Variants in EIF2B3 observed in about 807,000 individuals in gnomAD.
The protein encoded by EIF2B3 is translation initiation factor eIF2B subunit gamma.
In EIF2B3, 20 loss-of-function variants were observed where a neutral mutation model predicts 54.1. That is an observed-to-expected ratio of 0.37 (90% CI 0.26 to 0.54). The LOEUF is 0.54. Among genes scored for constraint, EIF2B3 ranks in the 20% least tolerant of loss-of-function variants. The pLI is 0.86. For missense variants in EIF2B3, 448 were observed against 547.8 expected (o/e 0.82, Z 1.82); for synonymous variants, 153 against 188.1 (o/e 0.81, Z 1.52).
intron 3 of EIF2B3, among the ~76,000 whole-genome samples, chr1:44,960,776 A>G (rs992300715): frequency 6.6e-6 from 1 of 152,216 alleles, no homozygotes; most frequent in Non-Finnish European, 1.5e-5. Context: ...ATGCCATTTT[A>G]TAAAAGCAAC....
At chr1:44,897,019 A>C (rs1655993819) in intron 6 of EIF2B3, among the ~76,000 whole-genome samples, 1 of 152,228 alleles carries the variant, frequency 6.6e-6, no homozygotes, top group Non-Finnish European at 1.5e-5. Context: ...GACAAACAGC[A>C]TAAGGGCTGT....
chr1:44,982,636 A>G (rs1310544070), intron 1 of EIF2B3, among the ~76,000 whole-genome samples: 1 of 151,486 alleles, frequency 6.6e-6, no homozygotes, highest in African/African-American at 2.4e-5. Flanking sequence ...GTCTTGCTCC[A>G]TTGCCCAGTC....
At chr1:44,860,996 CAG>C (rs1654595937) in intron 10 of EIF2B3, among the ~76,000 whole-genome samples, 1 of 152,224 alleles carries the variant, frequency 6.6e-6, no homozygotes, top group African/African-American at 2.4e-5. Flanking sequence ...TAAGGCATTT[CAG>C]AGTCTTCTTT....
At chr1:44,970,695 C>T (rs186583286) in intron 3 of EIF2B3, among the ~76,000 whole-genome samples, 50 of 152,278 alleles carry the variant, frequency 3.3e-4, no homozygotes, top group Non-Finnish European at 5.6e-4. Flanking sequence ...ACTGTTTATA[C>T]GCACTTCCAC....
chr1:44,978,216 G>T, intron 3 of EIF2B3, 99 bp downstream of exon 3: 2 of 1,382,458 alleles, frequency 1.4e-6, no homozygotes, highest in Non-Finnish European at 2.0e-6. Context: ...AGGTGACAGA[G>T]CGAGGTTCTG....
Position 44,875,703 on chromosome 1 carries a change from A to G in EIF2B3, c.976-8T>C, listed in dbSNP as rs1050988183. 18 of 1,613,664 alleles carry G rather than the reference A, an allele frequency of 1.1e-5. No individual in the cohort carries two copies. Among genetic ancestry groups the G allele is most frequent in the Non-Finnish European group, 1.5e-5 (18 of 1,179,712 alleles). On this transcript the variant is annotated splice_polypyrimidine_tract_variant and splice_region_variant and intron_variant, in intron 8 of 11. Transcript: ENST00000360403. ...AGACAGCAATTTGGGCACCTTAAGGACAGAGATTTGGTCACTAAAGATCAG... is the reference window on the plus strand; with the variant it reads ...AGACAGCAATTTGGGCACCTTAAGGGCAGAGATTTGGTCACTAAAGATCAG...
intron 8 of EIF2B3, among the ~76,000 whole-genome samples, chr1:44,878,899 C>A (rs1655287087): frequency 6.6e-6 from 1 of 151,978 alleles, no homozygotes; most frequent in African/African-American, 2.4e-5. Context: ...ACTGGGACTA[C>A]AGCCACATGC....
In EIF2B3 at chr1:44,869,498, T is replaced by G. The variant is rs1437251442; in HGVS notation, c.1202+5180A>C. On this transcript the variant is annotated intron_variant, in intron 10 of 11. Coordinates refer to ENST00000360403, the MANE Select transcript of EIF2B3 (RefSeq NM_020365.5). The stretch of plus-strand genomic sequence containing the variant: ...CTCGGAAAAAAAAAAAAGCTTTATA[T>G]TTACTAACTAATTTAGTACTCCCAA... 3.8e-3 allele frequency among the ~76,000 whole-genome samples: 581 copies of G among 151,284 alleles called. 2 individuals are homozygous for G. Among genetic ancestry groups the G allele is most frequent in the African/African-American group, 0.012 (510 of 41,130 alleles).
rs564925413 is a variant in EIF2B3, at chr1:44,941,387, C to T, written c.454+119G>A. On this transcript the variant is annotated intron_variant, in intron 4 of 11. Coordinates refer to ENST00000360403, the MANE Select transcript of EIF2B3 (RefSeq NM_020365.5). ...CTTATTTGACTTTATGTCATCAACTCCTAGCACAGAATCTGTGATGTATAG... is the reference window on the plus strand; with the variant it reads ...CTTATTTGACTTTATGTCATCAACTTCTAGCACAGAATCTGTGATGTATAG... 14 of 1,224,904 alleles carry T rather than the reference C, an allele frequency of 1.1e-5. No individual in the cohort carries two copies. In the South Asian group the frequency reaches 2.2e-4, roughly 19 times the overall value. The allele number at this position is 1,224,904 out of a possible 1,614,324, so 75.9% of individuals were successfully genotyped here.
intron 3 of EIF2B3, among the ~76,000 whole-genome samples, chr1:44,950,631 G>T (rs1045949245): frequency 1.3e-5 from 2 of 152,020 alleles, no homozygotes; most frequent in Non-Finnish European, 2.9e-5. Context: ...TTTATTAAAT[G>T]ATATTGAATT....
At chr1:44,859,875 G>GC (rs1557658881) in intron 10 of EIF2B3, among the ~76,000 whole-genome samples, 1 of 151,294 alleles carries the variant, frequency 6.6e-6, no homozygotes, top group Non-Finnish European at 1.5e-5. Flanking sequence ...TCCTGCCTCA[G>GC]CCCCCCAAGT....
At chr1:44,869,235 T>A (rs888231104) in intron 10 of EIF2B3, among the ~76,000 whole-genome samples, 8 of 152,158 alleles carry the variant, frequency 5.3e-5, no homozygotes, top group Admixed American at 3.3e-4. Context: ...CCCAGCACTT[T>A]GGGAGGCTGA....
At chr1:44,856,335 C>T (rs1362070245) in intron 11 of EIF2B3, among the ~76,000 whole-genome samples, 1 of 151,536 alleles carries the variant, frequency 6.6e-6, no homozygotes, top group Non-Finnish European at 1.5e-5. Flanking sequence ...GGTGACATTG[C>T]AAAACCCTGT....
intron 6 of EIF2B3, among the ~76,000 whole-genome samples, chr1:44,889,752 T>C (rs927599905): frequency 1.3e-5 from 2 of 151,970 alleles, no homozygotes; most frequent in Non-Finnish European, 2.9e-5. Context: ...TGGTCTCAAA[T>C]TCCTGACCTC....
chr1:44,942,411 A>C (rs1190821478), intron 3 of EIF2B3, among the ~76,000 whole-genome samples: 2 of 12,982 alleles, frequency 1.5e-4, no homozygotes, highest in African/African-American at 6.1e-4. Flanking sequence ...ATATATATAT[A>C]TATATATTTT....
intron 10 of EIF2B3, among the ~76,000 whole-genome samples, chr1:44,871,303 T>G (rs1167563759): frequency 2.6e-5 from 4 of 152,254 alleles, no homozygotes; most frequent in Non-Finnish European, 5.9e-5. Flanking sequence ...TTAGGACCTC[T>G]TCTATTTTAC....
chr1:44,852,976 G>C (rs1390347721), intron 11 of EIF2B3, among the ~76,000 whole-genome samples: 2 of 152,134 alleles, frequency 1.3e-5, no homozygotes, highest in East Asian at 1.9e-4. Context: ...GAGAAGTTCA[G>C]GGAATCATGA....
At chr1:44,917,986 G>A (rs1202348003) in intron 5 of EIF2B3, among the ~76,000 whole-genome samples, 2 of 149,848 alleles carry the variant, frequency 1.3e-5, no homozygotes, top group African/African-American at 4.9e-5. Context: ...TGTTAGCCAG[G>A]ATGGTCTCAA....
intron 8 of EIF2B3, among the ~76,000 whole-genome samples, chr1:44,878,833 A>G (rs1655284961): frequency 6.6e-6 from 1 of 150,698 alleles, no homozygotes; most frequent in South Asian, 2.1e-4. Context: ...ATCTCAGCTC[A>G]CTGCAACCTC....
Sources: gnomAD v4.1 joint callset for allele counts (sites outside exome capture counted in the v4.1 genomes callset) on GRCh38, gnomAD v4.1.1 for gene constraint, MANE v1.5 for transcripts, NCBI Gene and HGNC (gene_info 2026-07-23, HGNC 2026-07-21) for gene names.